Variants in ABHD17B observed in about 807,000 individuals in gnomAD.
The protein encoded by ABHD17B is abhydrolase domain containing 17B, depalmitoylase.
A neutral mutation model predicts 26.2 loss-of-function variants in ABHD17B; 9 were observed. The observed-to-expected ratio is 0.34, with a 90% CI of 0.21 to 0.60. ABHD17B has a LOEUF of 0.60. Among genes scored for constraint, ABHD17B ranks in the 20% least tolerant of loss-of-function variants. ABHD17B has a pLI of 0.80. For missense variants in ABHD17B, 224 were observed against 352.1 expected, an observed-to-expected ratio of 0.64 and a Z score of 2.91; for synonymous variants, 127 against 122.3, an observed-to-expected ratio of 1.04 and a Z score of -0.25.
At chr9:71,901,376 G>A (rs770296834) in intron 1 of ABHD17B, among the ~76,000 whole-genome samples, 6 of 151,882 alleles carry the variant, frequency 4.0e-5, no homozygotes, top group South Asian at 4.1e-4. Flanking sequence ...TAACAATTTC[G>A]AAGTATAACA....
chr9:71,870,368 T>C, intron 2 of ABHD17B, 106 bp from the exon 3 acceptor site: 1 of 1,083,432 alleles, frequency 9.2e-7, no homozygotes, highest in Non-Finnish European at 1.3e-6. Flanking sequence ...TGTCAACTAA[T>C]CCATTTTTTA....
At chr9:71,879,275 GGGA>G (rs1340071745) in intron 1 of ABHD17B, among the ~76,000 whole-genome samples, 2 of 152,274 alleles carry the variant, frequency 1.3e-5, no homozygotes, top group East Asian at 3.9e-4. Flanking sequence ...AGTGAGCAAT[GGGA>G]GCAAGGAGGG....
At chr9:71,871,238 T>C (rs1003668907) in intron 2 of ABHD17B, among the ~76,000 whole-genome samples, 13 of 152,334 alleles carry the variant, frequency 8.5e-5, no homozygotes, top group African/African-American at 3.1e-4. Context: ...AATCTGGATA[T>C]TCACCAGGAA....
At chr9:71,865,081 CGAA>C (rs1289730671), downstream of ABHD17B, 2 of 881,904 alleles carry the variant, frequency 2.3e-6, no homozygotes, top group Non-Finnish European at 2.7e-6. Flanking sequence ...CCTATAAAAA[CGAA>C]GGGTAATTTT....
chr9:71,892,351 T>G (rs1056088696), intron 1 of ABHD17B, among the ~76,000 whole-genome samples: 1 of 151,742 alleles, frequency 6.6e-6, no homozygotes, highest in Non-Finnish European at 1.5e-5. Flanking sequence ...GCTAACACGG[T>G]GAAACCTCAT....
At position 71,911,173 on chromosome 9, in the gene ABHD17B, G is replaced by A. The variant is rs1436837337; in HGVS notation, c.-543C>T. ...AGGGGACGAGCACAATCCCCACTGAGCCAGGAGTTGGCCACTGACTGGAGG... is the reference window on the plus strand; with the variant it reads ...AGGGGACGAGCACAATCCCCACTGAACCAGGAGTTGGCCACTGACTGGAGG... On this transcript the variant is annotated 5_prime_UTR_variant, in exon 1 of 4. Coordinates refer to ENST00000333421, the MANE Select transcript of ABHD17B (RefSeq NM_001025780.3). 2.0e-5 allele frequency among the ~76,000 whole-genome samples: 3 copies of A among 152,160 alleles called. No individual in the cohort carries two copies. Among genetic ancestry groups the A allele is most frequent in the African/African-American group, 7.2e-5 (3 of 41,444 alleles).
chr9:71,905,339 G>A (rs563731948), intron 1 of ABHD17B, among the ~76,000 whole-genome samples: 45 of 152,078 alleles, frequency 3.0e-4, no homozygotes, highest in African/African-American at 1.0e-3. Flanking sequence ...GCCCAGGCTG[G>A]AAGATATTTT....
chr9:71,889,063 T>C (rs1210590208), intron 1 of ABHD17B, among the ~76,000 whole-genome samples: 1 of 150,450 alleles, frequency 6.6e-6, no homozygotes, highest in East Asian at 1.9e-4. Context: ...ACGCCTGTAA[T>C]CACAGCACTT....
At chr9:71,902,141 T>C (rs1235011846) in intron 1 of ABHD17B, among the ~76,000 whole-genome samples, 1 of 152,222 alleles carries the variant, frequency 6.6e-6, no homozygotes, top group Non-Finnish European at 1.5e-5. Flanking sequence ...ATGAAACTTT[T>C]ACTAGTTTTT....
intron 1 of ABHD17B, among the ~76,000 whole-genome samples, chr9:71,904,589 T>C (rs531009859): frequency 2.0e-5 from 3 of 152,322 alleles, no homozygotes; most frequent in Admixed American, 6.5e-5. Flanking sequence ...ATGTGGAAGA[T>C]GCAGATGAGG....
intron 1 of ABHD17B, among the ~76,000 whole-genome samples, chr9:71,891,805 T>C (rs1490447041): frequency 6.6e-6 from 1 of 152,234 alleles, no homozygotes. Context: ...ATGTTCTGTT[T>C]ATCTCTTCAA....
intron 1 of ABHD17B, among the ~76,000 whole-genome samples, chr9:71,901,826 C>A (rs545076738): frequency 7.9e-5 from 12 of 152,130 alleles, no homozygotes; most frequent in African/African-American, 2.9e-4. Flanking sequence ...TCACTAATAT[C>A]TATTTCATAC....
intron 1 of ABHD17B, among the ~76,000 whole-genome samples, chr9:71,900,759 C>G (rs1045637495): frequency 1.3e-5 from 2 of 152,094 alleles, no homozygotes; most frequent in Non-Finnish European, 2.9e-5. Flanking sequence ...CTATCCCCCC[C>G]TCATCACTAT....
In ABHD17B at chr9:71,875,106, A is replaced by AAATATTTT. The variant is rs552972002; in HGVS notation, c.-3-31_-3-24dup. On this transcript the variant is annotated intron_variant, in intron 1 of 3. Coordinates refer to ENST00000333421, the MANE Select transcript of ABHD17B (RefSeq NM_001025780.3). ...GCTCTGAAAAAGAAAAGGAGATAGC[A>AAATATTTT]AATATTTTAATAACTGAATGTAGAC... is the stretch of plus-strand genomic sequence containing the variant. The AAATATTTT allele has an allele frequency of 2.9e-3, 4,517 of 1,556,420 alleles. 17 individuals are homozygous for AAATATTTT. Among genetic ancestry groups the AAATATTTT allele is most frequent in the Non-Finnish European group, 3.7e-3 (4,214 of 1,137,684 alleles).
At chr9:71,862,572 T>G, downstream of ABHD17B, 2 of 1,559,960 alleles carry the variant, frequency 1.3e-6, no homozygotes, top group Non-Finnish European at 1.8e-6. Flanking sequence ...ACTGTAGACC[T>G]TGAGAAAATC....
chr9:71,903,795 T>C lies in ABHD17B; in HGVS notation c.-4+6839A>G, dbSNP rs1288758954. 2.0e-5 allele frequency among the ~76,000 whole-genome samples: 3 copies of C among 152,208 alleles called. No homozygotes were observed. The East Asian group carries it at 5.8e-4, about 29-fold the overall frequency. On this transcript the variant is annotated intron_variant, in intron 1 of 3. Coordinates refer to ENST00000333421, the MANE Select transcript of ABHD17B (RefSeq NM_001025780.3). ...TATCAAATAATGACACAGATAATTA[T>C]AGACCGTAATAAATGCTATGAAAAT...
intron 1 of ABHD17B, among the ~76,000 whole-genome samples, chr9:71,893,952 T>A (rs1352027130): frequency 1.3e-4 from 19 of 151,904 alleles, no homozygotes; most frequent in Non-Finnish European, 5.9e-5. Flanking sequence ...TAGCTGGGTG[T>A]GGTGGCGGGC....
rs1826071414 is a variant in ABHD17B at position 71,870,220 on chromosome 9, A to G, written c.510T>C (p.Ser170=). The G allele has an allele frequency of 6.2e-7, 1 of 1,609,448 alleles. No homozygotes were observed. The highest frequency in any genetic ancestry group is 1.3e-5 in the African/African-American group (1 of 74,884). ...RPENVIIYGQ[S]IGTVPSVDLA... ...GATCCACAGACGGTACTGTCCCTAT[A>G]CTTTGGCCATATATAATCACATTTT... The change falls in exon 3 of 4, where the codon AGT becomes AGC. Residue 170 remains serine (S), a synonymous_variant. Coordinates refer to ENST00000333421, the MANE Select transcript of ABHD17B (RefSeq NM_001025780.3).
chr9:71,875,126 G>T, intron 1 of ABHD17B, 43 bp from the exon 2 acceptor site: 1 of 1,454,996 alleles, frequency 6.9e-7, no homozygotes. Context: ...ATAACTGAAT[G>T]TAGACTCATA....
Sources: allele counts gnomAD v4.1 joint callset (sites outside exome capture counted in the v4.1 genomes callset), GRCh38; gene constraint gnomAD v4.1.1; transcripts MANE v1.5; gene names NCBI Gene and HGNC (gene_info 2026-07-23, HGNC 2026-07-21).